Variants in JAKMIP1 observed in about 807,000 individuals in gnomAD.
The protein encoded by JAKMIP1 is janus kinase and microtubule-interacting protein 1.
JAKMIP1 carries 33 observed loss-of-function variants against 113.0 expected under a neutral mutation model. That is an observed-to-expected ratio of 0.29 (90% CI 0.22 to 0.39). JAKMIP1 has a LOEUF of 0.39. Among genes scored for constraint, JAKMIP1 ranks in the 10% least tolerant of loss-of-function variants. The pLI, the probability that JAKMIP1 is intolerant of heterozygous loss-of-function variation, is 1.00. For synonymous variants in JAKMIP1, 480 were observed against 459.9 expected, an observed-to-expected ratio of 1.04 and a Z score of -0.56; for missense variants, 813 against 1,080.5, an observed-to-expected ratio of 0.75 and a Z score of 3.47.
At position 6,081,080 on chromosome 4, in the gene JAKMIP1, G is replaced by A. The variant is rs1828818; in HGVS notation, c.1101+529C>T. 0.9 allele frequency among the ~76,000 whole-genome samples: 136,267 copies of A among 151,922 alleles called. 62,529 individuals carry two copies. Among genetic ancestry groups the A allele is most frequent in the East Asian group, 1 (5,169 of 5,172 alleles). On this transcript the variant is annotated intron_variant, in intron 6 of 20. Transcript: ENST00000409021. The surrounding 1 kb of genome is among the most constrained non-coding windows in gnomAD (Gnocchi z 4.6). ...ACAGAGCCTCCGTCTTCCCGGCTGT[G>A]AAGTGGGGGTTGATACTACTCTGAA...
rs148302835 is a variant in JAKMIP1, at chr4:6,112,804, G to A, written c.47C>T (p.Thr16Met). The A allele has an allele frequency of 1.4e-4, 221 of 1,614,068 alleles. No individual in the cohort carries two copies. In the African/African-American group the frequency reaches 2.2e-3, roughly 16 times the overall value. The change falls in exon 2 of 21, where the codon ACG becomes ATG. Residue 16 changes from threonine (T) to methionine (M), a missense_variant. Thr to Met is a moderately conservative substitution (Grantham distance 81, BLOSUM62 -1). This residue lies in a region of JAKMIP1 where 540 missense variants were observed against 653.9 expected (regional missense o/e 0.83). Transcript: ENST00000409021. ...CTCGTTGGCCATCTGCACCGCGTCC[G>A]TCTCCATCTCGGGCTTCTCGCCCTT... Reference protein sequence around the residue: ...RSKGEKPEMETDAVQMANEEL... With the variant: ...RSKGEKPEMEMDAVQMANEEL...
At position 6,178,047 on chromosome 4, in the gene JAKMIP1, C is replaced by T. The variant is rs1188199287; in HGVS notation, c.-148+22206G>A. 6.6e-6 allele frequency among the ~76,000 whole-genome samples: 1 copy of T among 152,226 alleles called. No individual in the cohort carries two copies. The highest frequency in any genetic ancestry group is 1.5e-5 in the Non-Finnish European group (1 of 68,038). ...TGACTCCTCCCTTTCCACTTCCTGTCCAGCCCCTAACCCCGCCTCGTTGGC... is the reference window on the plus strand; with the variant it reads ...TGACTCCTCCCTTTCCACTTCCTGTTCAGCCCCTAACCCCGCCTCGTTGGC... On this transcript the variant is annotated intron_variant, in intron 1 of 20. Transcript: ENST00000409021. The surrounding 1 kb of genome is among the most constrained non-coding windows in gnomAD (Gnocchi z 5.5).
intron 12 of JAKMIP1, among the ~76,000 whole-genome samples, chr4:6,055,968 T>C (rs778911316): frequency 2.8e-5 from 4 of 143,078 alleles, no homozygotes; most frequent in African/African-American, 2.7e-5. Context: ...CTGCAGTGTG[T>C]CCCCAGAGGA....
At chr4:6,095,873 G>A (rs1398432456) in intron 3 of JAKMIP1, among the ~76,000 whole-genome samples, 1 of 152,182 alleles carries the variant, frequency 6.6e-6, no homozygotes, top group Non-Finnish European at 1.5e-5. Flanking sequence ...ACAGAACTTG[G>A]ATCCTAGTAG....
intron 18 of JAKMIP1, among the ~76,000 whole-genome samples, chr4:6,036,425 C>G (rs1713447491): frequency 6.6e-6 from 1 of 152,222 alleles, no homozygotes; most frequent in African/African-American, 2.4e-5. Flanking sequence ...TGCAATTCAC[C>G]TGGGTTTTAT....
chr4:6,117,348 A>G (rs1015992694), intron 1 of JAKMIP1, among the ~76,000 whole-genome samples: 1 of 152,134 alleles, frequency 6.6e-6, no homozygotes, highest in Non-Finnish European at 1.5e-5. Context: ...CATTGGTAGG[A>G]TCCGTGATGC....
intron 8 of JAKMIP1, among the ~76,000 whole-genome samples, chr4:6,078,454 T>A (rs1720007104): frequency 6.6e-6 from 1 of 151,476 alleles, no homozygotes; most frequent in Non-Finnish European, 1.5e-5. Flanking sequence ...CATTCCAGAT[T>A]GGTCCCTGTG....
rs1560134821 is a variant in JAKMIP1, at chr4:6,067,580, C to T, written c.1303-2572G>A. 6.6e-6 allele frequency among the ~76,000 whole-genome samples: 1 copy of T among 151,410 alleles called. No individual in the cohort carries two copies. The highest frequency in any genetic ancestry group is 2.4e-5 in the African/African-American group (1 of 40,856). ...ACCCACGGGAGTGATGCATCTGCAGCACTCAAGCTCTTCTGCACACACAGG... is the reference window on the plus strand; with the variant it reads ...ACCCACGGGAGTGATGCATCTGCAGTACTCAAGCTCTTCTGCACACACAGG... On this transcript the variant is annotated intron_variant, in intron 8 of 20. Transcript: ENST00000409021. This position sits in a 1 kb window ranked among gnomAD's most constrained non-coding sequence, Gnocchi z 4.6.
At chr4:6,029,267 G>A (rs572036591) in intron 20 of JAKMIP1, among the ~76,000 whole-genome samples, 5 of 152,340 alleles carry the variant, frequency 3.3e-5, no homozygotes, top group East Asian at 1.9e-4. Context: ...CCAGCCTCAC[G>A]TCTTCTGGGA....
rs1553864677 is a variant in JAKMIP1, at chr4:6,183,509, T to TAAATAAA, written c.-148+16743_-148+16744insTTTATTT. Among the ~76,000 whole-genome samples the TAAATAAA allele has an allele frequency of 2.6e-5, 4 of 150,954 alleles. No individual in the cohort carries two copies. Among genetic ancestry groups the TAAATAAA allele is most frequent in the African/African-American group, 9.7e-5 (4 of 41,108 alleles). ...ATAAATAAATAAATAAATAAATAAA[T>TAAATAAA]TTAAAAAAGAAAGTAAAATGGAACA... is the stretch of plus-strand genomic sequence containing the variant. On this transcript the variant is annotated intron_variant, in intron 1 of 20. Transcript: ENST00000409021. The surrounding 1 kb of genome is among the most constrained non-coding windows in gnomAD (Gnocchi z 5.3).
At chr4:6,037,875 A>C in intron 18 of JAKMIP1, among the ~76,000 whole-genome samples, 1 of 141,376 alleles carries the variant, frequency 7.1e-6, no homozygotes, top group Admixed American at 7.1e-5. Flanking sequence ...ACTGAGGCAG[A>C]GGTTAACCCA....
rs1391569309 is a variant in JAKMIP1, at chr4:6,140,953, G to C, written c.-147-27956C>G. 6.6e-6 allele frequency among the ~76,000 whole-genome samples: 1 copy of C among 152,166 alleles called. No homozygotes were observed. Among genetic ancestry groups the C allele is most frequent in the East Asian group, 1.9e-4 (1 of 5,190 alleles). On this transcript the variant is annotated intron_variant, in intron 1 of 20. Coordinates refer to ENST00000409021, the MANE Select transcript of JAKMIP1 (RefSeq NM_001099433.2). This position sits in a 1 kb window ranked among gnomAD's most constrained non-coding sequence, Gnocchi z 9.4. ...AATCAGAAGCTGAGGTCCAAAGAGG[G>C]AAAATCACTTGCCTAAGACCCCAGA...
rs1338255429 is a variant in JAKMIP1 at position 6,088,969 on chromosome 4, G to A, written c.625-3340C>T. 6.6e-6 allele frequency among the ~76,000 whole-genome samples: 1 copy of A among 152,186 alleles called. No individual in the cohort carries two copies. The highest frequency in any genetic ancestry group is 1.5e-5 in the Non-Finnish European group (1 of 68,034). On this transcript the variant is annotated intron_variant, in intron 3 of 20. Transcript: ENST00000409021. The surrounding 1 kb of genome is among the most constrained non-coding windows in gnomAD (Gnocchi z 5.5). ...CCCAATTGGCTCATGCCACCCAAAT[G>A]TCCCTGTCCCAACAGTAATTGCTTC...
intron 1 of JAKMIP1, among the ~76,000 whole-genome samples, chr4:6,165,783 A>G (rs902051013): frequency 2.6e-4 from 39 of 152,180 alleles, no homozygotes; most frequent in African/African-American, 9.4e-4. Context: ...AACTTACAAT[A>G]TCTCTAAGGT....
intron 16 of JAKMIP1, among the ~76,000 whole-genome samples, chr4:6,047,491 G>C (rs941805945): frequency 1.3e-5 from 2 of 152,206 alleles, no homozygotes; most frequent in Non-Finnish European, 2.9e-5. Flanking sequence ...AGCCGGCCAG[G>C]TGTGAGTCAT....
In JAKMIP1 at chr4:6,038,501, A is replaced by G. The variant is rs553488960; in HGVS notation, c.2175+2138T>C. Among the ~76,000 whole-genome samples the G allele has an allele frequency of 1.1e-3, 165 of 149,620 alleles. 1 individual carries two copies. The highest frequency in any genetic ancestry group is 3.9e-3 in the African/African-American group (154 of 39,324). On this transcript the variant is annotated intron_variant, in intron 18 of 20. Transcript: ENST00000409021. The stretch of plus-strand genomic sequence containing the variant: ...GCAGAGGTTAACCCAGTAGCCCTCC[A>G]TCACTGAGGCAGAGGCTAACCGGTA...
At chr4:6,131,643 T>C (rs1718530289) in intron 1 of JAKMIP1, among the ~76,000 whole-genome samples, 1 of 152,180 alleles carries the variant, frequency 6.6e-6, no homozygotes, top group African/African-American at 2.4e-5. Context: ...GGCATGAGAA[T>C]GGCTTGAACC....
At chr4:6,130,455 T>G (rs938974084) in intron 1 of JAKMIP1, among the ~76,000 whole-genome samples, 3 of 152,046 alleles carry the variant, frequency 2.0e-5, no homozygotes, top group African/African-American at 7.2e-5. Flanking sequence ...CAGGAACCAG[T>G]TTAGGTCCCT....
chr4:6,105,735 C>T lies in JAKMIP1; in HGVS notation c.362G>A (p.Arg121His), dbSNP rs1713826138. Residue 121 changes from arginine (R) to histidine (H), a missense_variant, in exon 3 of 21, where the codon CGC (arginine) becomes CAC (histidine). This residue lies in a region of JAKMIP1 where 540 missense variants were observed against 653.9 expected (regional missense o/e 0.83). Coordinates refer to ENST00000409021, the MANE Select transcript of JAKMIP1 (RefSeq NM_001099433.2). ...QRLQATLNVL[R>H]DGAADKVKTA... The stretch of plus-strand genomic sequence containing the variant: ...CTTGACCTTGTCGGCCGCGCCGTCG[C>T]GCAGCACGTTCAGCGTGGCCTGCAG... 1.2e-6 allele frequency: 2 copies of T among 1,601,786 alleles called. No individual in the cohort carries two copies. Among genetic ancestry groups the T allele is most frequent in the Non-Finnish European group, 1.7e-6 (2 of 1,177,594 alleles).
Sources: gnomAD v4.1 joint callset for allele counts (sites outside exome capture counted in the v4.1 genomes callset) on GRCh38, gnomAD v4.1.1 for gene constraint, gnomAD v4.1.1 regional missense constraint, Gnocchi (gnomAD v3.1) non-coding constraint, MANE v1.5 for transcripts, NCBI Gene and HGNC (gene_info 2026-07-23, HGNC 2026-07-21) for gene names.